Variants in HIVEP3 observed in about 807,000 individuals in gnomAD.
The protein encoded by HIVEP3 is transcription factor HIVEP3.
HIVEP3 carries 49 observed loss-of-function variants against 152.8 expected under a neutral mutation model. The ratio of observed to expected loss-of-function variants is 0.32; its 90% CI spans 0.26 to 0.41. The LOEUF is 0.41. HIVEP3 is among the 10% of genes least tolerant of loss of function. The probability of loss-of-function intolerance (pLI) is 1.00; values close to 1 mark genes in which losing one functional copy is unlikely to be tolerated. For synonymous variants in HIVEP3, 1,269 were observed against 1,289.0 expected (o/e 0.98, Z 0.33); for missense variants, 2,790 against 3,103.3 (o/e 0.90, Z 2.40).
intron 1 of HIVEP3, among the ~76,000 whole-genome samples, chr1:41,828,426 C>G (rs894148839): frequency 5.9e-5 from 9 of 152,230 alleles, no homozygotes; most frequent in Non-Finnish European, 7.3e-5. Flanking sequence ...GCATTAGCTA[C>G]TTCAGTTGAT....
At chr1:41,783,554 G>C (rs533507950) in intron 1 of HIVEP3, among the ~76,000 whole-genome samples, 1 of 152,240 alleles carries the variant, frequency 6.6e-6, no homozygotes, top group East Asian at 1.9e-4. Flanking sequence ...ACAGCTACCA[G>C]GGCCCTTCAG....
chr1:41,569,364 T>C (rs995805381), intron 5 of HIVEP3, among the ~76,000 whole-genome samples: 1 of 152,130 alleles, frequency 6.6e-6, no homozygotes, highest in African/African-American at 2.4e-5. Context: ...GTATGTGGTT[T>C]TGCTACTGTT....
chr1:41,809,432 C>T (rs140104362), intron 1 of HIVEP3, among the ~76,000 whole-genome samples: 2 of 152,244 alleles, frequency 1.3e-5, no homozygotes, highest in Admixed American at 6.5e-5. Context: ...CAACAGTGAC[C>T]CCAGGCTCCT....
intron 5 of HIVEP3, among the ~76,000 whole-genome samples, chr1:41,532,158 GAGAT>G (rs67662571): frequency 0.42 from 53,661 of 128,452 alleles, 12,643 homozygotes; most frequent in Non-Finnish European, 0.46. Context: ...GAAGACATGA[GAGAT>G]AGAGGACAGG....
chr1:41,634,136 T>A (rs1159654879), intron 2 of HIVEP3, among the ~76,000 whole-genome samples: 41 of 148,962 alleles, frequency 2.8e-4, no homozygotes, highest in African/African-American at 9.7e-4. Context: ...AAAAAAAAAA[T>A]TACTCGAGGA....
chr1:41,693,725 T>C (rs897943860), intron 2 of HIVEP3, among the ~76,000 whole-genome samples: 5 of 152,240 alleles, frequency 3.3e-5, no homozygotes, highest in Non-Finnish European at 4.4e-5. Context: ...CATTCCGGTA[T>C]GACACAAATA....
chr1:41,899,717 T>C (rs1453932555), intron 1 of HIVEP3, among the ~76,000 whole-genome samples: 1 of 152,232 alleles, frequency 6.6e-6, no homozygotes, highest in Non-Finnish European at 1.5e-5. Context: ...TCTAATCACC[T>C]AATGAGCACG....
rs963803617 is a variant in HIVEP3 at position 41,628,788 on chromosome 1, C to T, written c.-561G>A. On this transcript the variant is annotated 5_prime_UTR_variant, in exon 3 of 9. Transcript: ENST00000372583. The stretch of plus-strand genomic sequence containing the variant: ...CCACTTCCGATGACCAAAACTGAAA[C>T]GCTGTTCTCTCTGAAAGCCAGCATT... The T allele has an allele frequency of 9.7e-6, 12 of 1,232,044 alleles. No individual in the cohort carries two copies. Among genetic ancestry groups the T allele is most frequent in the African/African-American group, 1.6e-5 (1 of 64,394 alleles). The allele number at this position is 1,232,044 out of a possible 1,614,324, so 76.3% of individuals were successfully genotyped here.
chr1:41,887,237 T>C (rs1171536779), intron 1 of HIVEP3, among the ~76,000 whole-genome samples: 1 of 151,360 alleles, frequency 6.6e-6, no homozygotes, highest in Non-Finnish European at 1.5e-5. Context: ...AGGCAAATAA[T>C]AAAAATATTT....
chr1:41,763,113 G>T (rs565743672), intron 1 of HIVEP3, among the ~76,000 whole-genome samples: 1 of 152,134 alleles, frequency 6.6e-6, no homozygotes, highest in East Asian at 1.9e-4. Context: ...CTCTTCTCTG[G>T]GGCTTTAATT....
chr1:41,632,765 A>T (rs1455727784), intron 2 of HIVEP3, among the ~76,000 whole-genome samples: 4 of 152,098 alleles, frequency 2.6e-5, no homozygotes, highest in African/African-American at 9.7e-5. Flanking sequence ...CAAAGAAAAA[A>T]AAAAGAATAA....
At chr1:41,543,447 G>A (rs1376316165) in intron 5 of HIVEP3, 1 of 152,224 alleles carries the variant, frequency 6.6e-6, no homozygotes, top group East Asian at 1.9e-4. Flanking sequence ...ATGAAAACTT[G>A]TCAGAGATTA....
intron 1 of HIVEP3, among the ~76,000 whole-genome samples, chr1:41,949,641 T>G (rs555463198): frequency 6.6e-6 from 1 of 152,170 alleles, no homozygotes; most frequent in Non-Finnish European, 1.5e-5. Context: ...AGCCAATGGA[T>G]GCCCTGGATT....
In HIVEP3 at chr1:41,584,915, G is replaced by A. The variant is rs1558091478; in HGVS notation, c.-118C>T. 2 of 986,642 alleles carry A rather than the reference G, an allele frequency of 2.0e-6. No homozygotes were observed. Among genetic ancestry groups the A allele is most frequent in the Non-Finnish European group, 2.8e-6 (2 of 720,052 alleles). The allele number at this position is 986,642 out of a possible 1,614,324, so 61.1% of individuals were successfully genotyped here. A position where few individuals can be genotyped will look rare whatever the true frequency, so the allele number is the denominator to read the frequency against. Reference sequence around the variant, plus strand: ...TGGCCACATTGGTCAAGAGCTGTGGGAGCCAAACCCAAGACGGCTTTGGGA... The same window carrying A: ...TGGCCACATTGGTCAAGAGCTGTGGAAGCCAAACCCAAGACGGCTTTGGGA... On this transcript the variant is annotated 5_prime_UTR_variant, in exon 4 of 9. Coordinates refer to ENST00000372583, the MANE Select transcript of HIVEP3 (RefSeq NM_024503.5). This position sits in a 1 kb window ranked among gnomAD's most constrained non-coding sequence, Gnocchi z 5.2.
chr1:41,758,862 G>T (rs936011473), intron 1 of HIVEP3, among the ~76,000 whole-genome samples: 8 of 152,164 alleles, frequency 5.3e-5, no homozygotes, highest in Non-Finnish European at 1.2e-4. Flanking sequence ...TTAGGAGAAT[G>T]GGGGGTACTG....
intron 5 of HIVEP3, among the ~76,000 whole-genome samples, chr1:41,549,916 T>C (rs560982573): frequency 6.6e-6 from 1 of 152,350 alleles, no homozygotes; most frequent in East Asian, 1.9e-4. Context: ...TTGTTGCCAT[T>C]GCTTTTGGTG....
intron 1 of HIVEP3, among the ~76,000 whole-genome samples, chr1:41,908,529 C>T (rs1291014682): frequency 2.0e-5 from 3 of 152,192 alleles, no homozygotes; most frequent in Non-Finnish European, 4.4e-5. Context: ...GTAATAAATA[C>T]ATGTGGATAT....
Position 41,516,169 on chromosome 1 carries a change from T to C in HIVEP3, c.5470+2233A>G, listed in dbSNP as rs1258367726. On this transcript the variant is annotated intron_variant, in intron 7 of 8. Transcript: ENST00000372583. ...GCGTTCCTGCAGGGCGCTGAGGGAA[T>C]GCCCCTGGCTGGGCGGCCCCGCCCC... 8.1e-4 allele frequency among the ~76,000 whole-genome samples: 5 copies of C among 6,176 alleles called. No homozygotes were observed. The South Asian group carries it at 0.11, about 137-fold the overall frequency. 4.1% of individuals were successfully genotyped at this position (6,176 alleles called of 152,430 possible).
chr1:41,688,079 G>T, intron 2 of HIVEP3, among the ~76,000 whole-genome samples: 1 of 152,356 alleles, frequency 6.6e-6, no homozygotes. Flanking sequence ...TGGGCACCAC[G>T]GTTCTTGTTG....
Sources: allele counts gnomAD v4.1 joint callset (sites outside exome capture counted in the v4.1 genomes callset), GRCh38; gene constraint gnomAD v4.1.1; non-coding constraint Gnocchi (gnomAD v3.1); transcripts MANE v1.5; gene names NCBI Gene and HGNC (gene_info 2026-07-23, HGNC 2026-07-21).